Variants in GALNT9 observed in about 807,000 individuals in gnomAD.
GALNT9 encodes the protein polypeptide N-acetylgalactosaminyltransferase 9.
In GALNT9, 47 loss-of-function variants were observed where a neutral mutation model predicts 63.1. The ratio of observed to expected loss-of-function variants is 0.75; its 90% confidence interval spans 0.59 to 0.95. The LOEUF (loss-of-function observed/expected upper bound fraction) is 0.95. Ranked by LOEUF, GALNT9 falls within the 40% of genes least tolerant of loss-of-function variation. The probability of loss-of-function intolerance (pLI) is 0.00; values close to 1 mark genes in which losing one functional copy is unlikely to be tolerated. For missense variants in GALNT9, 829 were observed against 874.8 expected (o/e 0.95, Z 0.66); for synonymous variants, 396 against 365.7 (o/e 1.08, Z -0.94).
intron 6 of GALNT9, among the ~76,000 whole-genome samples, chr12:132,219,495 C>T (rs1195894730): frequency 2.0e-5 from 3 of 152,128 alleles, no homozygotes; most frequent in African/African-American, 7.2e-5. Flanking sequence ...CTCTGATGTC[C>T]ATTGGCGGGG....
rs1429850564 is a variant in GALNT9, at chr12:132,203,368, GCACCTGTGCA to G, written c.1263+127_1263+136del. The G allele has an allele frequency of 7.2e-6, 5 of 696,826 alleles. No homozygotes were observed. In the African/African-American group the frequency reaches 9.1e-5, roughly 13 times the overall value. The allele number at this position is 696,826 out of a possible 1,614,324, so 43.2% of individuals were successfully genotyped here. A position where few individuals can be genotyped will look rare whatever the true frequency, so the allele number is the denominator to read the frequency against. On this transcript the variant is annotated intron_variant, in intron 7 of 10. Transcript: ENST00000328957. Reference sequence around the variant, plus strand: ...CTCACACCTGCACACACAACTGCTTGCACCTGTGCACACCTGTCAACACACCCACTCACAC... The same window carrying G: ...CTCACACCTGCACACACAACTGCTTGCACCTGTCAACACACCCACTCACAC...
chr12:132,268,866 C>T (rs1328019303), intron 2 of GALNT9, among the ~76,000 whole-genome samples: 1 of 152,222 alleles, frequency 6.6e-6, no homozygotes, highest in Non-Finnish European at 1.5e-5. Flanking sequence ...GACGTGCAGC[C>T]GACGTACAAA....
Position 132,196,990 on chromosome 12 carries a change from C to T in GALNT9, c.*117G>A. 2 of 1,531,110 alleles carry T rather than the reference C, an allele frequency of 1.3e-6. No individual in the cohort carries two copies. The highest frequency in any genetic ancestry group is 1.3e-5 in the South Asian group (1 of 78,170). The allele number at this position is 1,531,110 out of a possible 1,614,324, so 94.8% of individuals were successfully genotyped here. A position where few individuals can be genotyped will look rare whatever the true frequency, so the allele number is the denominator to read the frequency against. ...CCCCGGCCCCTCAGCCTCTGCTGTC[C>T]TGGCCGCACATAGAGCCCTGTCCTG... On this transcript the variant is annotated 3_prime_UTR_variant, in exon 11 of 11. Transcript: ENST00000328957.
In GALNT9 at chr12:132,245,473, C is replaced by T. The variant is rs1373035222; in HGVS notation, c.1077+2437G>A. Among the ~76,000 whole-genome samples the T allele has an allele frequency of 1.3e-5, 2 of 152,060 alleles. No homozygotes were observed. Among genetic ancestry groups the T allele is most frequent in the South Asian group, 2.1e-4 (1 of 4,828 alleles). ...AAGAAAGGCCCATGTGTCATGGAGACGGGAGGGAAGCTCTCCAACGGCTGC... is the reference window on the plus strand; with the variant it reads ...AAGAAAGGCCCATGTGTCATGGAGATGGGAGGGAAGCTCTCCAACGGCTGC... On this transcript the variant is annotated intron_variant, in intron 6 of 10. Coordinates refer to ENST00000328957, the MANE Select transcript of GALNT9 (RefSeq NM_001122636.2). This position sits in a 1 kb window ranked among gnomAD's most constrained non-coding sequence, Gnocchi z 6.3.
intron 6 of GALNT9, among the ~76,000 whole-genome samples, chr12:132,224,775 CCA>C (rs1449929594): frequency 6.8e-6 from 1 of 146,668 alleles, no homozygotes; most frequent in African/African-American, 2.6e-5. Context: ...TGTACACACC[CCA>C]CACACATACA....
chr12:132,314,856 C>T (rs1244405039), intron 1 of GALNT9, among the ~76,000 whole-genome samples: 1 of 152,246 alleles, frequency 6.6e-6, no homozygotes. Flanking sequence ...AACTAGCTTC[C>T]GTGCAGTGGA....
At chr12:132,270,315 G>A (rs985524577) in intron 2 of GALNT9, among the ~76,000 whole-genome samples, 14 of 152,148 alleles carry the variant, frequency 9.2e-5, no homozygotes, top group African/African-American at 2.4e-4. Context: ...CCTGAAATAC[G>A]ATCACCAGGA....
intron 6 of GALNT9, among the ~76,000 whole-genome samples, chr12:132,243,936 G>T (rs1878585087): frequency 6.6e-6 from 1 of 152,094 alleles, no homozygotes; most frequent in African/African-American, 2.4e-5. Context: ...CACCCCACAA[G>T]AAAGAAAGTT....
intron 6 of GALNT9, among the ~76,000 whole-genome samples, chr12:132,211,762 G>T (rs979063906): frequency 4.6e-5 from 7 of 152,210 alleles, no homozygotes; most frequent in African/African-American, 9.6e-5. Flanking sequence ...ATTAGGAGAT[G>T]GGCACGGAAG....
At chr12:132,206,738 C>T (rs138130726) in intron 6 of GALNT9, among the ~76,000 whole-genome samples, 4 of 152,094 alleles carry the variant, frequency 2.6e-5, no homozygotes, top group Non-Finnish European at 5.9e-5. Context: ...GTGACCCAGC[C>T]GGCAACTGGG....
At chr12:132,200,931 G>T (rs1012414193) in intron 8 of GALNT9, 193 bp downstream of exon 8, 13 of 586,806 alleles carry the variant, frequency 2.2e-5, no homozygotes, top group Non-Finnish European at 3.3e-5. Flanking sequence ...GGATGTGCCT[G>T]CATCACCGTG....
chr12:132,240,551 G>T (rs2136898601), intron 6 of GALNT9: 1 of 447,754 alleles, frequency 2.2e-6, no homozygotes, highest in Non-Finnish European at 4.5e-6. Flanking sequence ...TGGCCCCAGG[G>T]CTCAGCTGTG....
intron 1 of GALNT9, among the ~76,000 whole-genome samples, chr12:132,309,338 G>T (rs555721933): frequency 2.0e-5 from 3 of 152,296 alleles, no homozygotes; most frequent in African/African-American, 7.2e-5. Flanking sequence ...TGGACCTCAC[G>T]CAGCCGCCCT....
chr12:132,222,115 C>T (rs1210922612), intron 6 of GALNT9, among the ~76,000 whole-genome samples: 1 of 152,122 alleles, frequency 6.6e-6, no homozygotes, highest in East Asian at 1.9e-4. Flanking sequence ...AGGCATCGTC[C>T]ACCATCTTAA....
chr12:132,302,785 A>G (rs61236695), intron 1 of GALNT9, among the ~76,000 whole-genome samples: 10,809 of 152,154 alleles, frequency 0.071, 744 homozygotes, highest in East Asian at 0.22. Context: ...CTGCGCATGC[A>G]GGTCAGGGCT....
At chr12:132,264,658 AG>A (rs1243007945) in intron 2 of GALNT9, among the ~76,000 whole-genome samples, 25 of 152,354 alleles carry the variant, frequency 1.6e-4, no homozygotes, top group Admixed American at 3.9e-4. Context: ...CAGGACACGC[AG>A]GAAAAGCATC....
intron 4 of GALNT9, among the ~76,000 whole-genome samples, chr12:132,259,174 G>A (rs1482604497): frequency 6.6e-6 from 1 of 152,240 alleles, no homozygotes; most frequent in Non-Finnish European, 1.5e-5. Flanking sequence ...AATCCTTTGT[G>A]GAGACAGTTA....
chr12:132,258,500 G>C (rs782615961), intron 4 of GALNT9, among the ~76,000 whole-genome samples: 2 of 152,226 alleles, frequency 1.3e-5, no homozygotes, highest in Non-Finnish European at 2.9e-5. Context: ...GGAGGATGAG[G>C]TATAAGCAGT....
chr12:132,222,769 G>A (rs1251581692), intron 6 of GALNT9, among the ~76,000 whole-genome samples: 1 of 151,694 alleles, frequency 6.6e-6, no homozygotes, highest in African/African-American at 2.4e-5. Flanking sequence ...TCTCATGAAC[G>A]ACTGAGGAGG....
Sources: gnomAD v4.1 joint callset for allele counts (sites outside exome capture counted in the v4.1 genomes callset) on GRCh38, gnomAD v4.1.1 for gene constraint, Gnocchi (gnomAD v3.1) non-coding constraint, MANE v1.5 for transcripts, NCBI Gene and HGNC (gene_info 2026-07-23, HGNC 2026-07-21) for gene names.